The following ZNF3 variants were observed in gnomAD, a reference collection of about 807,000 sequenced individuals.
ZNF3 encodes C2-H2 type zinc finger protein.
Under a neutral mutation model 36.9 loss-of-function variants are expected in ZNF3, and 16 were observed. The ratio of observed to expected loss-of-function variants is 0.43; its 90% CI spans 0.29 to 0.66. The LOEUF is 0.66. Among genes scored for constraint, ZNF3 ranks in the 30% least tolerant of loss-of-function variants. ZNF3 has a pLI of 0.13. For synonymous variants in ZNF3, 201 were observed against 201.9 expected (o/e 1.00, Z 0.04); for missense variants, 462 against 543.1 (o/e 0.85, Z 1.48).
downstream of ZNF3, chr7:100,065,042 G>A (rs1792576469): frequency 1.8e-6 from 2 of 1,140,044 alleles, no homozygotes; most frequent in South Asian, 1.5e-5. Flanking sequence ...ATCTTGTAAT[G>A]CCTCAGGACT....
At chr7:100,075,763 T>G in intron 3 of ZNF3, 133 bp from the exon 4 acceptor site, 1 of 792,088 alleles carries the variant, frequency 1.3e-6, no homozygotes, top group East Asian at 2.7e-5. Flanking sequence ...ATTTCTAAGT[T>G]TGCTTCCTCT....
downstream of ZNF3, among the ~76,000 whole-genome samples, chr7:100,069,615 CTT>C (rs778677424): frequency 1.3e-4 from 19 of 149,472 alleles, no homozygotes; most frequent in East Asian, 2.4e-3. Flanking sequence ...ACCAACATGT[CTT>C]GTCTTTTTTT....
At chr7:100,069,173 C>T (rs1298041103), downstream of ZNF3, among the ~76,000 whole-genome samples, 3 of 151,810 alleles carry the variant, frequency 2.0e-5, no homozygotes, top group Non-Finnish European at 4.4e-5. Flanking sequence ...GGTCTTGCCA[C>T]GTTGCCTAGG....
chr7:100,065,024 C>T (rs1044215800), downstream of ZNF3: 4 of 1,347,434 alleles, frequency 3.0e-6, no homozygotes, highest in Non-Finnish European at 3.1e-6. Flanking sequence ...TCAGAATAAA[C>T]TTATAACATC....
At position 100,071,504 on chromosome 7, in the gene ZNF3, A is replaced by G; in HGVS notation, c.980T>C (p.Leu327Pro). Residue 327 changes from leucine (L) to proline (P), a missense_variant, in exon 6 of 6, where the codon CTT (leucine) becomes CCT (proline). Transcript: ENST00000299667. ...CGKAFSRSST[L>P]IHHQRIHTGE... ...AGTGTGGATTCTCTGATGGTGAATA[A>G]GGGTTGAGCTCCTGCTGAAGGCCTT... The G allele has an allele frequency of 6.2e-7, 1 of 1,613,922 alleles. No individual in the cohort carries two copies. The highest frequency in any genetic ancestry group is 8.5e-7 in the Non-Finnish European group (1 of 1,180,002).
intron 5 of ZNF3, among the ~76,000 whole-genome samples, chr7:100,074,330 A>G (rs10224595): frequency 0.98 from 149,223 of 152,300 alleles, 73,165 homozygotes; most frequent in East Asian, 1. Flanking sequence ...GACTGCAGTA[A>G]TGCCATCTCG....
At chr7:100,069,575 TAA>T (rs1792834110), downstream of ZNF3, among the ~76,000 whole-genome samples, 1 of 145,532 alleles carries the variant, frequency 6.9e-6, no homozygotes, top group South Asian at 2.2e-4. Context: ...AAAAAAAAAT[TAA>T]GTCAACTTTC....
intron 1 of ZNF3, among the ~76,000 whole-genome samples, chr7:100,080,999 A>C (rs941290): frequency 0.8 from 122,155 of 152,042 alleles, 49,131 homozygotes; most frequent in Middle Eastern, 0.88. Flanking sequence ...GGAGTTTACA[A>C]AAGCCCTTCA....
At chr7:100,073,349 TTTTTTG>T (rs1265924329) in intron 5 of ZNF3, among the ~76,000 whole-genome samples, 3 of 152,050 alleles carry the variant, frequency 2.0e-5, no homozygotes, top group Non-Finnish European at 2.9e-5. Context: ...TAATCTTTCT[TTTTTTG>T]TTTTTGTTTT....
In ZNF3 at chr7:100,070,632, C is replaced by A. The variant is rs964428955; in HGVS notation, c.*511G>T. On this transcript the variant is annotated 3_prime_UTR_variant, in exon 6 of 6. Transcript: ENST00000299667. ...CCTCAATAAAATAATCCCTCAATGCCAAATTTCCATAATTAACGAAATCAT... is the reference window on the plus strand; with the variant it reads ...CCTCAATAAAATAATCCCTCAATGCAAAATTTCCATAATTAACGAAATCAT... 1 of 989,468 alleles carries A rather than the reference C, an allele frequency of 1.0e-6. No individual in the cohort carries two copies. Among genetic ancestry groups the A allele is most frequent in the African/African-American group, 1.7e-5 (1 of 57,214 alleles). The allele number at this position is 989,468 out of a possible 1,614,324, so 61.3% of individuals were successfully genotyped here.
At chr7:100,077,222 C>A in intron 3 of ZNF3, 81 bp downstream of exon 3, 1 of 1,563,314 alleles carries the variant, frequency 6.4e-7, no homozygotes, top group South Asian at 1.1e-5. Flanking sequence ...AGTAGTTAGC[C>A]TAGTACCTGG....
chr7:100,077,791 G>A (rs189555368), intron 2 of ZNF3: 158 of 155,014 alleles, frequency 1.0e-3, no homozygotes, highest in Non-Finnish European at 1.5e-3. Flanking sequence ...GTGCAATGGC[G>A]CAATCTCATC....
At chr7:100,065,019 A>G (rs1792574728), downstream of ZNF3, 1 of 1,401,830 alleles carries the variant, frequency 7.1e-7, no homozygotes, top group Non-Finnish European at 9.8e-7. Context: ...GAGATTCAGA[A>G]TAAACTTATA....
chr7:100,064,859 C>T (rs760848321), exon 6 of ZNF3: 11 of 1,613,310 alleles, frequency 6.8e-6, no homozygotes, highest in African/African-American at 2.7e-5. Flanking sequence ...CTTAGGGTCC[C>T]AGTAAGCCAT....
chr7:100,077,443 C>A lies in ZNF3; in HGVS notation c.-76-10G>T. On this transcript the variant is annotated splice_polypyrimidine_tract_variant and intron_variant, in intron 2 of 5. Transcript: ENST00000299667. ...AGAGAATGAGGAAGCACTGCAGAAG[C>A]AAAAGTTCAAGGTTCAAAGATAATT... 6.2e-7 allele frequency: 1 copy of A among 1,605,644 alleles called. No homozygotes were observed. The highest frequency in any genetic ancestry group is 8.5e-7 in the Non-Finnish European group (1 of 1,175,184).
chr7:100,072,133 T>C lies in ZNF3; in HGVS notation c.351A>G (p.Gln117=), dbSNP rs749121645. ...ACTTGAGACCCTGAGAAATATCCTT[T>C]TGAAATCTTCCCAGTAGGACCCCAT... The part of the protein sequence containing the change: ...RSHGVLLGRF[Q]KDISQGLKFK... The change falls in exon 6 of 6, where the codon CAA becomes CAG. Residue 117 remains glutamine (Q), a synonymous_variant. Transcript: ENST00000299667. The C allele has an allele frequency of 6.2e-7, 1 of 1,613,810 alleles. No homozygotes were observed. Among genetic ancestry groups the C allele is most frequent in the Non-Finnish European group, 8.5e-7 (1 of 1,179,938 alleles).
At chr7:100,082,185 T>G (rs1176097958), upstream of ZNF3, 2 of 152,188 alleles carry the variant, frequency 1.3e-5, no homozygotes, top group Non-Finnish European at 2.9e-5. Context: ...TTGTTTCTTG[T>G]AAAAATGCCC....
intron 4 of ZNF3, 68 bp from the exon 5 acceptor site, chr7:100,075,329 C>T (rs771402979): frequency 2.0e-5 from 33 of 1,612,572 alleles, no homozygotes; most frequent in Non-Finnish European, 2.6e-5. Context: ...AAAAAAATCA[C>T]TGAGGATGGG....
chr7:100,080,280 G>A (rs758049069), intron 1 of ZNF3, among the ~76,000 whole-genome samples: 4 of 152,170 alleles, frequency 2.6e-5, no homozygotes, highest in Non-Finnish European at 5.9e-5. Context: ...CAGGTGATTC[G>A]CTGAAAATCT....
Sources: allele counts gnomAD v4.1 joint callset (sites outside exome capture counted in the v4.1 genomes callset), GRCh38; gene constraint gnomAD v4.1.1; transcripts MANE v1.5; gene names NCBI Gene and HGNC (gene_info 2026-07-23, HGNC 2026-07-21).